The following CYTH3 variants were observed in gnomAD, a reference collection of about 807,000 sequenced individuals.
CYTH3 encodes cytohesin-3.
CYTH3 carries 23 observed loss-of-function variants against 55.1 expected under a neutral mutation model. The ratio of observed to expected loss-of-function variants is 0.42; its 90% confidence interval spans 0.30 to 0.59. The LOEUF (loss-of-function observed/expected upper bound fraction) is 0.59. CYTH3 is among the 20% of genes least tolerant of loss of function. CYTH3 has a pLI of 0.20. For synonymous variants in CYTH3, 249 were observed against 194.9 expected (o/e 1.28, Z -2.31); for missense variants, 413 against 524.8 (o/e 0.79, Z 2.08).
chr7:6,182,699 G>C (rs925585002), intron 4 of CYTH3, among the ~76,000 whole-genome samples: 2 of 151,938 alleles, frequency 1.3e-5, no homozygotes, highest in Non-Finnish European at 2.9e-5. Context: ...TGTTTATAGA[G>C]ATGAGGGTCT....
chr7:6,225,703 G>C lies in CYTH3; in HGVS notation c.35-35172C>G, dbSNP rs1309968189. ...GAATTTTTTTTTTTTTTTGGAAATG[G>C]AGTTCCACTCTTGTCGCCCAGGCTG... On this transcript the variant is annotated intron_variant, in intron 1 of 12. Coordinates refer to ENST00000350796, the MANE Select transcript of CYTH3 (RefSeq NM_004227.4). Among the ~76,000 whole-genome samples, 7 of 149,836 alleles carry C rather than the reference G, an allele frequency of 4.7e-5. No homozygotes were observed. In the East Asian group the frequency reaches 1.4e-3, roughly 29 times the overall value.
chr7:6,230,161 TA>T (rs761350571), intron 1 of CYTH3, among the ~76,000 whole-genome samples: 2 of 151,960 alleles, frequency 1.3e-5, no homozygotes, highest in East Asian at 3.9e-4. Flanking sequence ...AAACATAAAA[TA>T]AAAAAACCCA....
chr7:6,207,958 G>T (rs746191283), intron 1 of CYTH3, among the ~76,000 whole-genome samples: 24 of 152,000 alleles, frequency 1.6e-4, no homozygotes, highest in Middle Eastern at 3.4e-3. Context: ...TTGGGGGGGT[G>T]GGGGGAAAGG....
intron 1 of CYTH3, among the ~76,000 whole-genome samples, chr7:6,271,833 G>C (rs542866144): frequency 6.6e-6 from 1 of 152,058 alleles, no homozygotes; most frequent in Non-Finnish European, 1.5e-5. Flanking sequence ...TCGGCTCCAC[G>C]GAGTTTTTTG....
intron 1 of CYTH3, among the ~76,000 whole-genome samples, chr7:6,203,846 G>A (rs1011768950): frequency 6.6e-6 from 1 of 151,868 alleles, no homozygotes; most frequent in Non-Finnish European, 1.5e-5. Context: ...AGCCTCCCGA[G>A]TAGCTGGGAC....
chr7:6,191,476 A>G (rs949113725), intron 1 of CYTH3, among the ~76,000 whole-genome samples: 1 of 152,276 alleles, frequency 6.6e-6, no homozygotes, highest in South Asian at 2.1e-4. Flanking sequence ...TCAATCACAC[A>G]TATTTTCAAT....
chr7:6,212,323 C>T (rs1784337653), intron 1 of CYTH3, among the ~76,000 whole-genome samples: 1 of 152,164 alleles, frequency 6.6e-6, no homozygotes, highest in Non-Finnish European at 1.5e-5. Flanking sequence ...CAGTTCAGTA[C>T]TGTTAAGTAT....
chr7:6,163,376 G>A lies in CYTH3; in HGVS notation c.*1568C>T, dbSNP rs1782895770. ...GCAGATTCAAGGTGTGTGTGCCTAT[G>A]CAGGTGGGGCAGGAAGAGGAAGTCC... On this transcript the variant is annotated 3_prime_UTR_variant, in exon 13 of 13. Transcript: ENST00000350796. 6.5e-6 allele frequency: 1 copy of A among 152,736 alleles called. No homozygotes were observed. The highest frequency in any genetic ancestry group is 2.1e-4 in the South Asian group (1 of 4,836). The allele number at this position is 152,736 out of a possible 1,614,324, so 9.5% of individuals were successfully genotyped here.
chr7:6,203,641 G>T (rs567948779), intron 1 of CYTH3, among the ~76,000 whole-genome samples: 1 of 152,244 alleles, frequency 6.6e-6, no homozygotes, highest in East Asian at 1.9e-4. Flanking sequence ...CAACTATTCT[G>T]AGTAGACAAC....
At chr7:6,257,017 G>A (rs183911720) in intron 1 of CYTH3, among the ~76,000 whole-genome samples, 18 of 152,248 alleles carry the variant, frequency 1.2e-4, no homozygotes, top group African/African-American at 4.3e-4. Flanking sequence ...CCACTACTTT[G>A]AACTAAATTT....
At position 6,192,564 on chromosome 7, in the gene CYTH3, G is replaced by A. The variant is rs112604992; in HGVS notation, c.35-2033C>T. ...TTTTTTTTTTTTGAGACAGAGTCTC[G>A]CTCTGTCGCCAGGCTGGAGTGCGGT... On this transcript the variant is annotated intron_variant, in intron 1 of 12. Coordinates refer to ENST00000350796, the MANE Select transcript of CYTH3 (RefSeq NM_004227.4). Among the ~76,000 whole-genome samples the A allele has an allele frequency of 1.2e-4, 15 of 124,946 alleles. No homozygotes were observed. In the South Asian group the frequency reaches 1.5e-3, roughly 12 times the overall value. 82.0% of individuals were successfully genotyped at this position (124,946 alleles called of 152,430 possible). A position where few individuals can be genotyped will look rare whatever the true frequency, so the allele number is the denominator to read the frequency against.
chr7:6,190,970 G>C (rs778609180), intron 1 of CYTH3, among the ~76,000 whole-genome samples: 14 of 151,826 alleles, frequency 9.2e-5, no homozygotes, highest in Non-Finnish European at 1.9e-4. Context: ...TCAGCTACTC[G>C]GGAGGCTGAG....
intron 1 of CYTH3, among the ~76,000 whole-genome samples, chr7:6,262,667 C>T (rs1021709186): frequency 5.3e-5 from 8 of 152,328 alleles, no homozygotes; most frequent in East Asian, 1.9e-4. Flanking sequence ...GCCTGAGCAA[C>T]ATAGTGAGAC....
At position 6,227,668 on chromosome 7, in the gene CYTH3, A is replaced by C. The variant is rs1049970687; in HGVS notation, c.35-37137T>G. Among the ~76,000 whole-genome samples the C allele has an allele frequency of 4.6e-5, 7 of 152,326 alleles. No individual in the cohort carries two copies. The South Asian group carries it at 8.3e-4, about 18-fold the overall frequency. On this transcript the variant is annotated intron_variant, in intron 1 of 12. Coordinates refer to ENST00000350796, the MANE Select transcript of CYTH3 (RefSeq NM_004227.4). ...CCTCTGGTTGGGGCCCAAGTAAGCA[A>C]ACCAAAGGGAAGCATTTACAACAAC... is the stretch of plus-strand genomic sequence containing the variant.
chr7:6,256,504 G>A (rs1171154322), intron 1 of CYTH3, among the ~76,000 whole-genome samples: 2 of 152,210 alleles, frequency 1.3e-5, no homozygotes, highest in Non-Finnish European at 2.9e-5. Context: ...ACCTTTAGAT[G>A]CAAGACAGTC....
chr7:6,169,920 G>T lies in CYTH3; in HGVS notation c.823+615C>A, dbSNP rs1330195152. Among the ~76,000 whole-genome samples, 1 of 152,188 alleles carries T rather than the reference G, an allele frequency of 6.6e-6. No homozygotes were observed. The highest frequency in any genetic ancestry group is 1.9e-4 in the East Asian group (1 of 5,186). On this transcript the variant is annotated intron_variant, in intron 9 of 12. Transcript: ENST00000350796. The surrounding 1 kb of genome is among the most constrained non-coding windows in gnomAD (Gnocchi z 4.1). ...GCCACTCTCAGCCCCGCCCCTGGGG[G>T]TGGGTGTAGCATTCACCACACCGTG...
intron 1 of CYTH3, among the ~76,000 whole-genome samples, chr7:6,232,047 A>T (rs1779401951): frequency 6.6e-6 from 1 of 152,138 alleles, no homozygotes; most frequent in Non-Finnish European, 1.5e-5. Context: ...TGCACCCTCA[A>T]GACTTTGCTT....
chr7:6,190,346 G>GTTTTT, intron 2 of CYTH3, 103 bp downstream of exon 2: 1 of 627,130 alleles, frequency 1.6e-6, no homozygotes, highest in Non-Finnish European at 2.2e-6. Flanking sequence ...TTGTTTTTGG[G>GTTTTT]TTTTTTTTTT....
intron 3 of CYTH3, 113 bp downstream of exon 3, chr7:6,187,544 C>T (rs1447750962): frequency 4.2e-6 from 4 of 946,718 alleles, no homozygotes; most frequent in Non-Finnish European, 6.9e-6. Context: ...TTAACAACTC[C>T]ACAGGCTCCC....
Sources: gnomAD v4.1 joint callset for allele counts (sites outside exome capture counted in the v4.1 genomes callset) on GRCh38, gnomAD v4.1.1 for gene constraint, Gnocchi (gnomAD v3.1) non-coding constraint, MANE v1.5 for transcripts, NCBI Gene and HGNC (gene_info 2026-07-23, HGNC 2026-07-21) for gene names.